Variants in GAP43 observed in about 807,000 individuals in gnomAD.
GAP43 encodes the protein neuromodulin.
GAP43 carries 6 observed loss-of-function variants against 18.6 expected under a neutral mutation model. The observed-to-expected ratio is 0.32, with a 90% CI of 0.18 to 0.64. The LOEUF is 0.64. Among genes scored for constraint, GAP43 ranks in the 30% least tolerant of loss-of-function variants. GAP43 has a pLI of 0.78. For synonymous variants in GAP43, 115 were observed against 111.4 expected (o/e 1.03, Z -0.20); for missense variants, 292 against 295.5 (o/e 0.99, Z 0.09).
chr3:115,674,031 C>T lies in GAP43; in HGVS notation c.31-1982C>T, dbSNP rs537203690. On this transcript the variant is annotated intron_variant, in intron 1 of 2. Coordinates refer to ENST00000305124, the MANE Select transcript of GAP43 (RefSeq NM_002045.4). The stretch of plus-strand genomic sequence containing the variant: ...GTACGCTTGTCCAAAGAATGTCTAA[C>T]AGCCCCACATCATGATTAGCAGGAG... 1.1e-3 allele frequency among the ~76,000 whole-genome samples: 164 copies of T among 152,288 alleles called. 1 individual carries two copies. The highest frequency in any genetic ancestry group is 3.4e-3 in the Middle Eastern group (1 of 294).
intron 2 of GAP43, among the ~76,000 whole-genome samples, chr3:115,691,901 T>G (rs1709119997): frequency 2.6e-5 from 4 of 151,914 alleles, no homozygotes; most frequent in Admixed American, 2.6e-4. Context: ...TTAAGGGAAA[T>G]AGCTAACACA....
intron 2 of GAP43, among the ~76,000 whole-genome samples, chr3:115,714,534 G>T (rs1709477410): frequency 1.3e-5 from 2 of 151,998 alleles, no homozygotes. Context: ...TCAAGTTTTT[G>T]AGCCTCTAGC....
At chr3:115,676,973 T>C (rs16823973) in intron 2 of GAP43, among the ~76,000 whole-genome samples, 7,617 of 152,284 alleles carry the variant, frequency 0.05, 603 homozygotes, top group African/African-American at 0.17. Flanking sequence ...TGAGGCTACA[T>C]ATATTTTATG....
chr3:115,656,045 C>T (rs750707462), intron 1 of GAP43, among the ~76,000 whole-genome samples: 47 of 152,148 alleles, frequency 3.1e-4, no homozygotes, highest in Non-Finnish European at 6.3e-4. Context: ...ATACTCTGTG[C>T]CCTGGGGACA....
chr3:115,673,835 T>G (rs1262797760), intron 1 of GAP43, among the ~76,000 whole-genome samples: 2 of 152,216 alleles, frequency 1.3e-5, no homozygotes, highest in Non-Finnish European at 1.5e-5. Flanking sequence ...ATTTACTCCT[T>G]TAATCTTTGT....
At chr3:115,669,129 A>G (rs1450467181) in intron 1 of GAP43, among the ~76,000 whole-genome samples, 1 of 152,092 alleles carries the variant, frequency 6.6e-6, no homozygotes. Flanking sequence ...TAACGAGTCA[A>G]TAGATAAATA....
At chr3:115,657,023 C>G (rs1708592935) in intron 1 of GAP43, among the ~76,000 whole-genome samples, 1 of 152,188 alleles carries the variant, frequency 6.6e-6, no homozygotes, top group African/African-American at 2.4e-5. Flanking sequence ...AGCCCACCCT[C>G]AACAGTACTG....
chr3:115,698,131 AATATATATAATATATATT>A (rs1559804266), intron 2 of GAP43, among the ~76,000 whole-genome samples: 2 of 39,030 alleles, frequency 5.1e-5, no homozygotes, highest in African/African-American at 1.0e-4. Flanking sequence ...TATTATATAT[AATATATATAATATATATT>A]ATATATAATA....
intron 2 of GAP43, among the ~76,000 whole-genome samples, chr3:115,687,264 C>T (rs1709047126): frequency 1.3e-5 from 2 of 152,138 alleles, no homozygotes; most frequent in Admixed American, 1.3e-4. Flanking sequence ...CAATCGATCT[C>T]ATTTACTGTA....
At chr3:115,705,129 C>T (rs12107366) in intron 2 of GAP43, among the ~76,000 whole-genome samples, 3,060 of 152,162 alleles carry the variant, frequency 0.02, 94 homozygotes, top group African/African-American at 0.069. Flanking sequence ...CACATCATGC[C>T]GAACCACGGC....
intron 1 of GAP43, among the ~76,000 whole-genome samples, chr3:115,647,734 CAAAAA>C (rs1708473582): frequency 8.9e-6 from 1 of 112,590 alleles, no homozygotes; most frequent in Non-Finnish European, 1.9e-5. Flanking sequence ...AAAACAAAAA[CAAAAA>C]CAAAACAAAA....
chr3:115,625,839 A>G (rs879889629), intron 1 of GAP43, among the ~76,000 whole-genome samples: 1 of 152,210 alleles, frequency 6.6e-6, no homozygotes, highest in African/African-American at 2.4e-5. Context: ...CACATACTTC[A>G]TATGCTACAG....
intron 2 of GAP43, among the ~76,000 whole-genome samples, chr3:115,687,811 T>C (rs911027204): frequency 4.6e-5 from 7 of 152,148 alleles, no homozygotes; most frequent in African/African-American, 1.4e-4. Context: ...ATTCAAAAGG[T>C]CTTCAATCTT....
intron 1 of GAP43, among the ~76,000 whole-genome samples, chr3:115,626,071 C>T (rs753048875): frequency 3.9e-5 from 6 of 152,178 alleles, no homozygotes; most frequent in Admixed American, 6.5e-5. Flanking sequence ...ATGGTGTATT[C>T]AGGGCGTGGG....
chr3:115,649,258 C>T (rs1708494805), intron 1 of GAP43, among the ~76,000 whole-genome samples: 1 of 152,082 alleles, frequency 6.6e-6, no homozygotes, highest in Admixed American at 6.6e-5. Context: ...AATAAATTCA[C>T]TTTCTCAAGC....
At chr3:115,678,648 A>G (rs1203371807) in intron 2 of GAP43, among the ~76,000 whole-genome samples, 1 of 152,146 alleles carries the variant, frequency 6.6e-6, no homozygotes, top group Non-Finnish European at 1.5e-5. Flanking sequence ...TTGATTAAAA[A>G]TGTGTCTGGT....
chr3:115,639,057 A>G (rs1400980289), intron 1 of GAP43, among the ~76,000 whole-genome samples: 1 of 152,120 alleles, frequency 6.6e-6, no homozygotes, highest in African/African-American at 2.4e-5. Context: ...AGTGCAGCCT[A>G]TAAAATGAAC....
At chr3:115,683,147 GCACACACACACACA>G (rs869219452) in intron 2 of GAP43, among the ~76,000 whole-genome samples, 160 of 127,444 alleles carry the variant, frequency 1.3e-3, no homozygotes, top group Non-Finnish European at 2.2e-3. Flanking sequence ...GCGCGCGCGC[GCACACACACACACA>G]CACACACACA....
intron 1 of GAP43, among the ~76,000 whole-genome samples, chr3:115,651,819 AT>A: frequency 6.6e-6 from 1 of 152,032 alleles, no homozygotes; most frequent in South Asian, 2.1e-4. Flanking sequence ...TTCACTTAAC[AT>A]TTTCGCATTG....
Sources: gnomAD v4.1 joint callset for allele counts (sites outside exome capture counted in the v4.1 genomes callset) on GRCh38, gnomAD v4.1.1 for gene constraint, MANE v1.5 for transcripts, NCBI Gene and HGNC (gene_info 2026-07-23, HGNC 2026-07-21) for gene names.